Variants in EPHB2 observed in about 807,000 individuals in gnomAD.
EPHB2 encodes EPH receptor B2.
In EPHB2, 18 loss-of-function variants were observed where a neutral mutation model predicts 96.4. That is an observed-to-expected ratio of 0.19 (90% CI 0.13 to 0.28). The LOEUF is 0.28. Among genes scored for constraint, EPHB2 ranks in the 10% least tolerant of loss-of-function variants. EPHB2 has a pLI of 1.00. For missense variants in EPHB2, 989 were observed against 1,355.4 expected, an observed-to-expected ratio of 0.73 and a Z score of 4.25; for synonymous variants, 506 against 534.1, an observed-to-expected ratio of 0.95 and a Z score of 0.72.
chr1:22,737,309 T>C (rs573802531), intron 1 of EPHB2, among the ~76,000 whole-genome samples: 1 of 152,284 alleles, frequency 6.6e-6, no homozygotes, highest in East Asian at 1.9e-4. Flanking sequence ...ATTACCCTCC[T>C]GCTCAGACCT....
chr1:22,801,918 C>T (rs1287368301), intron 3 of EPHB2, among the ~76,000 whole-genome samples: 1 of 152,220 alleles, frequency 6.6e-6, no homozygotes, highest in Non-Finnish European at 1.5e-5. Flanking sequence ...GAGGAGCGGA[C>T]AGGGAGAGTG....
chr1:22,857,874 C>T lies in EPHB2; in HGVS notation c.812-5163C>T, dbSNP rs150150710. Among the ~76,000 whole-genome samples, 975 of 152,250 alleles carry T rather than the reference C, an allele frequency of 6.4e-3. 8 individuals carry two copies. The highest frequency in any genetic ancestry group is 0.016 in the African/African-American group (653 of 41,534). On this transcript the variant is annotated intron_variant, in intron 3 of 15. Transcript: ENST00000374630. ...GCGGCTCTGCTAGGGGCTGGAGAAA[C>T]AATGAAAGCCAGACAGACCCGGCTC... is the stretch of plus-strand genomic sequence containing the variant.
At chr1:22,737,701 A>G (rs567354855) in intron 1 of EPHB2, among the ~76,000 whole-genome samples, 1 of 152,250 alleles carries the variant, frequency 6.6e-6, no homozygotes, top group East Asian at 1.9e-4. Context: ...GAGTGTAGAG[A>G]CTTTCTTGTC....
At chr1:22,815,338 C>A (rs1645060039) in intron 3 of EPHB2, among the ~76,000 whole-genome samples, 1 of 152,198 alleles carries the variant, frequency 6.6e-6, no homozygotes, top group African/African-American at 2.4e-5. Context: ...GACCCTCACA[C>A]CGAAATCCCA....
intron 3 of EPHB2, among the ~76,000 whole-genome samples, chr1:22,828,537 T>C (rs139044600): frequency 6.6e-6 from 1 of 152,110 alleles, no homozygotes; most frequent in African/African-American, 2.4e-5. Flanking sequence ...CGGAGAGAAC[T>C]GTGAACACTG....
In EPHB2 at chr1:22,821,123, G is replaced by T. The variant is rs117757175; in HGVS notation, c.811+36047G>T. 3.5e-4 allele frequency among the ~76,000 whole-genome samples: 54 copies of T among 152,200 alleles called. No individual in the cohort carries two copies. The East Asian group carries it at 9.1e-3, about 26-fold the overall frequency. ...GCTGGCTGCTAACCCTCCAACCATC[G>T]CATCCACATTCCAGCCAGGAGGAAA... is the stretch of plus-strand genomic sequence containing the variant. On this transcript the variant is annotated intron_variant, in intron 3 of 15. Transcript: ENST00000374630.
At chr1:22,770,403 C>T (rs533818660) in intron 1 of EPHB2, among the ~76,000 whole-genome samples, 1 of 152,276 alleles carries the variant, frequency 6.6e-6, no homozygotes, top group Admixed American at 6.5e-5. Flanking sequence ...TTGTCCTTCA[C>T]TGGGGGAAAC....
At chr1:22,780,653 A>C (rs1318327195) in intron 1 of EPHB2, among the ~76,000 whole-genome samples, 1 of 152,220 alleles carries the variant, frequency 6.6e-6, no homozygotes, top group Non-Finnish European at 1.5e-5. Flanking sequence ...CAAGCTGAAA[A>C]GCAAACAGAT....
Position 22,909,033 on chromosome 1 carries a change from CCCCATCCGCTGGA to C in EPHB2, c.2366_2378del (p.Pro789GlnfsTer27), listed in dbSNP as rs1557751689. 1 of 1,614,154 alleles carries C rather than the reference CCCCATCCGCTGGA, an allele frequency of 6.2e-7. No individual in the cohort carries two copies. Among genetic ancestry groups the C allele is most frequent in the Non-Finnish European group, 8.5e-7 (1 of 1,180,018 alleles). On this transcript the variant is annotated frameshift_variant, in exon 13 of 16. Coordinates refer to ENST00000374630, the MANE Select transcript of EPHB2 (RefSeq NM_017449.5). LOFTEE classifies it high-confidence loss of function. ...TTTCTGTCTCCCAGGGCGGAAAGAT[CCCCATCCGCTGGA>C]CAGCCCCGGAAGCCATCCAGTACCG...
rs1639973610 is a variant in EPHB2 at position 22,908,064 on chromosome 1, C to T, written c.2248C>T (p.Arg750Cys). 6 of 1,614,220 alleles carry T rather than the reference C, an allele frequency of 3.7e-6. No homozygotes were observed. The highest frequency in any genetic ancestry group is 1.7e-5 in the Admixed American group (1 of 60,030). Residue 750 changes from arginine to cysteine, a missense_variant, in exon 12 of 16, where the codon CGC (arginine) becomes TGC (cysteine). Physicochemically the swap from Arg to Cys is radical, Grantham distance 180 (BLOSUM62 -3). Transcript: ENST00000374630. ...CTATGTTCACCGTGACCTGGCTGCCCGCAACATCCTCGTCAACAGCAACCT... is the reference window on the plus strand; with the variant it reads ...CTATGTTCACCGTGACCTGGCTGCCTGCAACATCCTCGTCAACAGCAACCT... Reference protein sequence around the residue: ...MNYVHRDLAARNILVNSNLVC... With the variant: ...MNYVHRDLAACNILVNSNLVC...
chr1:22,856,185 A>G (rs913913746), intron 3 of EPHB2, among the ~76,000 whole-genome samples: 1 of 152,176 alleles, frequency 6.6e-6, no homozygotes, highest in African/African-American at 2.4e-5. Flanking sequence ...CAGGCCAGCC[A>G]TTGAGGTTTT....
At chr1:22,881,669 A>G (rs1333613177) in intron 5 of EPHB2, among the ~76,000 whole-genome samples, 1 of 152,188 alleles carries the variant, frequency 6.6e-6, no homozygotes, top group Admixed American at 6.5e-5. Context: ...ATCTCGGCTC[A>G]CAGAAACTTC....
chr1:22,823,396 G>A (rs1047317656), intron 3 of EPHB2, among the ~76,000 whole-genome samples: 3 of 152,184 alleles, frequency 2.0e-5, no homozygotes, highest in African/African-American at 4.8e-5. Flanking sequence ...TTCAGCCAGT[G>A]CCCTGTATCT....
chr1:22,852,750 C>A (rs1645641552), intron 3 of EPHB2, among the ~76,000 whole-genome samples: 1 of 152,240 alleles, frequency 6.6e-6, no homozygotes, highest in South Asian at 2.1e-4. Context: ...GTCCCGGTTG[C>A]TCCGGCCTTG....
At chr1:22,877,780 TTCTC>T (rs1204599174) in intron 5 of EPHB2, among the ~76,000 whole-genome samples, 1 of 152,188 alleles carries the variant, frequency 6.6e-6, no homozygotes, top group Non-Finnish European at 1.5e-5. Flanking sequence ...GTCACTTTCT[TTCTC>T]TGGCCCTGAA....
rs147098147 is a variant in EPHB2, at chr1:22,784,835, G to T, written c.570G>T (p.Val190=). ...GCGGCTGCATGTCCCTCATCGCCGT[G>T]CGTGTCTTCTACCGCAAGTGCCCCC... ...DYGGCMSLIA[V]RVFYRKCPRI... Residue 190 remains valine, a synonymous_variant, in exon 3 of 16, where the codon GTG becomes GTT. Coordinates refer to ENST00000374630, the MANE Select transcript of EPHB2 (RefSeq NM_017449.5). This position sits in a 1 kb window ranked among gnomAD's most constrained non-coding sequence, Gnocchi z 5.1. 1 of 1,605,902 alleles carries T rather than the reference G, an allele frequency of 6.2e-7. No homozygotes were observed. The highest frequency in any genetic ancestry group is 1.3e-5 in the African/African-American group (1 of 74,832).
chr1:22,908,226 C>CT (rs1639979831), intron 12 of EPHB2, 58 bp downstream of exon 12: 1 of 1,592,886 alleles, frequency 6.3e-7, no homozygotes, highest in Non-Finnish European at 8.6e-7. Context: ...GCATGAGTGT[C>CT]CATCTCTCCC....
At position 22,742,701 on chromosome 1, in the gene EPHB2, C is replaced by A. The variant is rs541379336; in HGVS notation, c.61+31658C>A. 3.3e-4 allele frequency among the ~76,000 whole-genome samples: 50 copies of A among 151,608 alleles called. 1 individual carries two copies. Among genetic ancestry groups the A allele is most frequent in the African/African-American group, 1.1e-3 (46 of 41,308 alleles). ...TTTTATTTTTTGTAGAGGGGACTCA[C>A]TAAGTTGCCCAGGCTGGTCTCAAAC... On this transcript the variant is annotated intron_variant, in intron 1 of 15. Coordinates refer to ENST00000374630, the MANE Select transcript of EPHB2 (RefSeq NM_017449.5).
intron 3 of EPHB2, among the ~76,000 whole-genome samples, chr1:22,802,275 A>T (rs1002468883): frequency 1.3e-5 from 2 of 152,088 alleles, no homozygotes; most frequent in Non-Finnish European, 2.9e-5. Context: ...CTGGCAGCCA[A>T]GCTCAGCTGT....
Sources: gnomAD v4.1 joint callset for allele counts (sites outside exome capture counted in the v4.1 genomes callset) on GRCh38, gnomAD v4.1.1 for gene constraint, Gnocchi (gnomAD v3.1) non-coding constraint, MANE v1.5 for transcripts, NCBI Gene and HGNC (gene_info 2026-07-23, HGNC 2026-07-21) for gene names.